NAV1: variants seen among roughly 807,000 people sequenced by gnomAD.
The protein encoded by NAV1 is neuron navigator 1.
In NAV1, 18 loss-of-function variants were observed where a neutral mutation model predicts 175.2. The observed-to-expected ratio is 0.10, with a 90% confidence interval of 0.07 to 0.15. The LOEUF (loss-of-function observed/expected upper bound fraction) is 0.15. Ranked by LOEUF, NAV1 falls within the 10% of genes least tolerant of loss-of-function variation. The pLI is 1.00. For missense variants in NAV1, 1,731 were observed against 2,436.6 expected (o/e 0.71, Z 6.10); for synonymous variants, 897 against 978.7 (o/e 0.92, Z 1.56).
chr1:201,757,948 C>G (rs962044076), intron 3 of NAV1, among the ~76,000 whole-genome samples: 16 of 152,266 alleles, frequency 1.1e-4, no homozygotes, highest in African/African-American at 3.9e-4. Context: ...CATAGGACCC[C>G]TCTTGGCCCA....
At chr1:201,749,582 C>T (rs971153343) in intron 3 of NAV1, among the ~76,000 whole-genome samples, 7 of 152,180 alleles carry the variant, frequency 4.6e-5, no homozygotes, top group African/African-American at 1.7e-4. Context: ...TGCTCCCAAA[C>T]CTGTTTATGC....
chr1:201,752,363 A>C (rs1571457597), intron 3 of NAV1, among the ~76,000 whole-genome samples: 1 of 152,202 alleles, frequency 6.6e-6, no homozygotes, highest in Non-Finnish European at 1.5e-5. Context: ...AAACCTGCCC[A>C]GTGTTCCTTG....
exon 30 of NAV1, chr1:201,821,624 T>C (rs1679385851): frequency 1.3e-5 from 2 of 152,366 alleles, no homozygotes; most frequent in East Asian, 3.9e-4. Flanking sequence ...CCTTGTTATC[T>C]AGACCTTCGG....
intron 14 of NAV1, chr1:201,794,131 C>T (rs1451395813): frequency 1.5e-6 from 1 of 677,930 alleles, no homozygotes; most frequent in Non-Finnish European, 2.7e-6. Flanking sequence ...GCTCAGGGCT[C>T]CTGCTAATCC....
At chr1:201,691,843 TAAG>T (rs1490314513) in intron 1 of NAV1, among the ~76,000 whole-genome samples, 1 of 152,226 alleles carries the variant, frequency 6.6e-6, no homozygotes, top group Non-Finnish European at 1.5e-5. Flanking sequence ...CACAGCCCTC[TAAG>T]AAGTTACTAC....
At chr1:201,804,578 CTA>C (rs1491097116) in intron 17 of NAV1, 81 bp downstream of exon 21, 122 of 813,884 alleles carry the variant, frequency 1.5e-4, no homozygotes, top group Admixed American at 2.0e-4. Flanking sequence ...CTCCCTTCCC[CTA>C]AAAAAAAAAA....
At chr1:201,801,097 G>C (rs751883783) in intron 15 of NAV1, among the ~76,000 whole-genome samples, 39 of 152,192 alleles carry the variant, frequency 2.6e-4, no homozygotes, top group Non-Finnish European at 5.3e-4. Context: ...CAAAGTGCTG[G>C]GATTACAGGC....
At chr1:201,581,310 G>A (rs565000232) in intron 1 of NAV1, among the ~76,000 whole-genome samples, 1 of 152,304 alleles carries the variant, frequency 6.6e-6, no homozygotes, top group East Asian at 1.9e-4. Flanking sequence ...AGGTTGGAAT[G>A]GATGTGGGAG....
At chr1:201,710,569 T>C (rs1671863488) in intron 1 of NAV1, among the ~76,000 whole-genome samples, 1 of 152,250 alleles carries the variant, frequency 6.6e-6, no homozygotes, top group Admixed American at 6.5e-5. Context: ...ATTATAGGCA[T>C]GAGCCACTGC....
chr1:201,780,987 C>G, intron 4 of NAV1, 25 bp from the exon 9 acceptor site: 1 of 1,572,862 alleles, frequency 6.4e-7, no homozygotes, highest in Non-Finnish European at 8.6e-7. Flanking sequence ...AAGTATCTCA[C>G]TCTGCCTTTT....
At chr1:201,541,611 T>C (rs1473703285) in intron 1 of NAV1, among the ~76,000 whole-genome samples, 1 of 152,158 alleles carries the variant, frequency 6.6e-6, no homozygotes, top group Non-Finnish European at 1.5e-5. Context: ...CTGTCTCAAC[T>C]AGAAATATGA....
intron 1 of NAV1, among the ~76,000 whole-genome samples, chr1:201,653,889 G>A (rs12725834): frequency 0.21 from 31,879 of 152,172 alleles, 4,100 homozygotes; most frequent in Admixed American, 0.37. Flanking sequence ...CCTTGGAGCT[G>A]TGAGGCCTCC....
exon 17 of NAV1, chr1:201,804,492 T>A (rs1678150732): frequency 4.5e-6 from 7 of 1,546,068 alleles, no homozygotes; most frequent in Middle Eastern, 1.7e-4. Flanking sequence ...TTTCCAGGTC[T>A]ATGAGGTAAG....
rs755843708 is a variant in NAV1, at chr1:201,783,722, A to G, written c.2674A>G (p.Met892Val). 3.7e-5 allele frequency: 59 copies of G among 1,614,140 alleles called. No homozygotes were observed. The highest frequency in any genetic ancestry group is 1.6e-4 in the Middle Eastern group (1 of 6,062). ...GAGCATGGAGTCCCTCCAGATGCCAATGAGCCTCCCCAGTGCCTTCCCCAG... is the reference window on the plus strand; with the variant it reads ...GAGCATGGAGTCCCTCCAGATGCCAGTGAGCCTCCCCAGTGCCTTCCCCAG... Residue 892 changes from methionine (M) to valine (V), a missense_variant, in exon 7 of 30, where the codon ATG (methionine) becomes GTG (valine). This residue lies in a region of NAV1 where 634 missense variants were observed against 766.8 expected (regional missense o/e 0.83). Coordinates refer to ENST00000367296, the Ensembl canonical transcript of NAV1.
chr1:201,604,033 T>G (rs1429430547), intron 2 of NAV1, among the ~76,000 whole-genome samples: 1 of 152,200 alleles, frequency 6.6e-6, no homozygotes, highest in East Asian at 1.9e-4. Flanking sequence ...GAAACAACCC[T>G]GTAAGATACA....
chr1:201,679,639 T>A (rs1391895289), intron 1 of NAV1, among the ~76,000 whole-genome samples: 1 of 152,208 alleles, frequency 6.6e-6, no homozygotes, highest in Non-Finnish European at 1.5e-5. Context: ...AAGTTGAAAT[T>A]ATTTTTGTCC....
At chr1:201,804,579 TAAAAAAAAAAAAAA>T (rs377039916) in intron 17 of NAV1, 82 bp downstream of exon 21, 1 of 318,714 alleles carries the variant, frequency 3.1e-6, no homozygotes, top group African/African-American at 3.8e-5. Context: ...TCCCTTCCCC[TAAAAAAAAAAAAAA>T]AAAAAAAAAT....
At chr1:201,730,914 G>A (rs545553947) in intron 3 of NAV1, among the ~76,000 whole-genome samples, 274 of 152,292 alleles carry the variant, frequency 1.8e-3, no homozygotes, top group African/African-American at 6.4e-3. Flanking sequence ...CCAGGCAGAG[G>A]GACTTACCTA....
intron 3 of NAV1, among the ~76,000 whole-genome samples, chr1:201,763,278 T>C (rs747886938): frequency 6.6e-6 from 1 of 152,200 alleles, no homozygotes; most frequent in Non-Finnish European, 1.5e-5. Flanking sequence ...ACTGTAGTAA[T>C]AGCGACTAGT....
Sources: allele counts gnomAD v4.1 joint callset (sites outside exome capture counted in the v4.1 genomes callset), GRCh38; gene constraint gnomAD v4.1.1; regional missense constraint gnomAD v4.1.1; transcripts MANE v1.5; gene names NCBI Gene and HGNC (gene_info 2026-07-23, HGNC 2026-07-21).